The following YY1AP1 variants were observed in gnomAD, a reference collection of about 807,000 sequenced individuals.
YY1AP1 encodes the protein YY1 associated protein 1, also known as YY1-associated protein 1.
Under a neutral mutation model 39.9 loss-of-function variants are expected in YY1AP1, and 43 were observed. The ratio of observed to expected loss-of-function variants is 1.08; its 90% CI spans 0.84 to 1.39. The LOEUF (loss-of-function observed/expected upper bound fraction) is 1.39, where lower values mean the gene tolerates loss of function less well. YY1AP1 is among the 40% of genes most tolerant of loss of function. The pLI is 0.00. For missense variants in YY1AP1, 813 were observed against 900.7 expected (o/e 0.90, Z 1.25); for synonymous variants, 292 against 331.3 (o/e 0.88, Z 1.29).
chr1:155,672,282 G>A (rs536493091), intron 7 of YY1AP1: 1 of 507,022 alleles, frequency 2.0e-6, no homozygotes, highest in African/African-American at 1.9e-5. Flanking sequence ...CCCTCATATT[G>A]CTGTAGTCCA....
chr1:155,669,769 A>G (rs1173002668), intron 8 of YY1AP1, among the ~76,000 whole-genome samples: 3 of 152,150 alleles, frequency 2.0e-5, no homozygotes, highest in Non-Finnish European at 4.4e-5. Context: ...GCTTATGCCT[A>G]TAGTCCCAGC....
intron 8 of YY1AP1, among the ~76,000 whole-genome samples, chr1:155,669,265 T>TGGCCTCAAGTGATCCTCC (rs1318615602): frequency 6.6e-6 from 1 of 152,220 alleles, no homozygotes; most frequent in African/African-American, 2.4e-5. Flanking sequence ...CTTGAACTTC[T>TGGCCTCAAGTGATCCTCC]GGCCTCAAGT....
At chr1:155,688,237 G>C in intron 1 of YY1AP1, 36 bp from the exon 2 acceptor site, 3 of 1,611,952 alleles carry the variant, frequency 1.9e-6, no homozygotes, top group Non-Finnish European at 1.7e-6. Context: ...GGGAAAGGTG[G>C]AGGGCTAAAG....
chr1:155,680,526 C>A, intron 2 of YY1AP1, 70 bp from the exon 3 acceptor site: 1 of 1,330,600 alleles, frequency 7.5e-7, no homozygotes, highest in Middle Eastern at 1.9e-4. Context: ...TCCATGTAGA[C>A]AATGTATGAT....
rs1057036254 is a variant in YY1AP1, at chr1:155,669,290, G to A, written c.729-513C>T. Among the ~76,000 whole-genome samples the A allele has an allele frequency of 5.3e-5, 8 of 151,880 alleles. 1 individual carries two copies. The South Asian group carries it at 6.2e-4, about 12-fold the overall frequency. ...TGGCCTCAAGTGATCCTCCTGCCTC[G>A]GCCTCCCAAAGTGTCGTCATTACAG... On this transcript the variant is annotated intron_variant, in intron 8 of 10. Coordinates refer to ENST00000355499, the MANE Select transcript of YY1AP1 (RefSeq NM_139119.3).
intron 6 of YY1AP1, among the ~76,000 whole-genome samples, chr1:155,673,604 T>C (rs1650176072): frequency 6.6e-6 from 1 of 151,990 alleles, no homozygotes; most frequent in Admixed American, 6.6e-5. Flanking sequence ...TGGAGTGATA[T>C]ATAAGCACGG....
intron 1 of YY1AP1, 107 bp downstream of exon 1, chr1:155,688,552 C>G (rs1452398786): frequency 4.9e-5 from 76 of 1,539,528 alleles, no homozygotes; most frequent in Non-Finnish European, 6.4e-5. Flanking sequence ...GGCCGTCCTG[C>G]GAGCCAGCCA....
intron 2 of YY1AP1, among the ~76,000 whole-genome samples, chr1:155,684,826 T>A (rs2149074324): frequency 6.6e-6 from 1 of 152,286 alleles, no homozygotes; most frequent in South Asian, 2.1e-4. Context: ...GCTCTGACAA[T>A]CCATCCGCCT....
At chr1:155,672,403 T>C in intron 7 of YY1AP1, 157 bp downstream of exon 7, 2 of 827,726 alleles carry the variant, frequency 2.4e-6, no homozygotes, top group African/African-American at 1.7e-5. Context: ...ACTTGGATAA[T>C]GAGTACAAAG....
chr1:155,672,805 T>C (rs982040146), intron 6 of YY1AP1, 74 bp from the exon 7 acceptor site: 1 of 1,607,766 alleles, frequency 6.2e-7, no homozygotes, highest in Non-Finnish European at 8.5e-7. Flanking sequence ...AGAATCTAAA[T>C]GAGAAGCTGA....
At chr1:155,671,987 C>T (rs1649933791) in intron 7 of YY1AP1, among the ~76,000 whole-genome samples, 1 of 152,180 alleles carries the variant, frequency 6.6e-6, no homozygotes, top group Non-Finnish European at 1.5e-5. Context: ...AAGTAAATAG[C>T]AAATATTTTC....
At chr1:155,675,125 A>C in intron 5 of YY1AP1, 29 bp from the exon 6 acceptor site, 2 of 1,584,450 alleles carry the variant, frequency 1.3e-6, no homozygotes, top group Non-Finnish European at 1.7e-6. Context: ...TAATGCAGTG[A>C]TATGTTATGA....
chr1:155,662,822 G>A (rs1012956770), intron 9 of YY1AP1, among the ~76,000 whole-genome samples: 2 of 151,938 alleles, frequency 1.3e-5, no homozygotes, highest in East Asian at 1.9e-4. Context: ...CCAACATGGC[G>A]AAACCCTGTC....
intron 7 of YY1AP1, 135 bp downstream of exon 7, chr1:155,672,425 G>C: frequency 1.1e-6 from 1 of 931,182 alleles, no homozygotes; most frequent in African/African-American, 1.6e-5. Context: ...GAGGATAAAA[G>C]AGAGAAGGAA....
intron 10 of YY1AP1, 140 bp from the exon 11 acceptor site, chr1:155,661,053 C>CGG (rs1375184375): frequency 1.1e-5 from 16 of 1,500,650 alleles, no homozygotes; most frequent in Non-Finnish European, 1.4e-5. Context: ...ACAAAGACCA[C>CGG]AGTCCAATTA....
chr1:155,675,964 G>A (rs753969726), intron 5 of YY1AP1, among the ~76,000 whole-genome samples: 45 of 152,210 alleles, frequency 3.0e-4, no homozygotes, highest in South Asian at 8.3e-4. Context: ...TGACTCACGC[G>A]TGTAATCCCA....
At chr1:155,688,313 C>A in intron 1 of YY1AP1, 112 bp from the exon 2 acceptor site, 1 of 1,561,542 alleles carries the variant, frequency 6.4e-7, no homozygotes, top group African/African-American at 1.4e-5. Flanking sequence ...CAAAGCGAAC[C>A]CAAAATGGCG....
intron 6 of YY1AP1, among the ~76,000 whole-genome samples, chr1:155,673,873 CAAAAT>C (rs1650214223): frequency 6.6e-6 from 1 of 151,766 alleles, no homozygotes; most frequent in African/African-American, 2.4e-5. Context: ...TTTAAAATCT[CAAAAT>C]AGGCCGGGCG....
intron 5 of YY1AP1, among the ~76,000 whole-genome samples, chr1:155,676,340 G>A (rs1650673834): frequency 6.6e-6 from 1 of 152,102 alleles, no homozygotes; most frequent in South Asian, 2.1e-4. Context: ...AATACCATTA[G>A]GGTCCTTATG....
Sources: allele counts gnomAD v4.1 joint callset (sites outside exome capture counted in the v4.1 genomes callset), GRCh38; gene constraint gnomAD v4.1.1; transcripts MANE v1.5; gene names NCBI Gene and HGNC (gene_info 2026-07-23, HGNC 2026-07-21).